LRMDA: variants seen among roughly 807,000 people sequenced by gnomAD.
The protein encoded by LRMDA is leucine-rich melanocyte differentiation-associated protein.
Under a neutral mutation model 29.8 loss-of-function variants are expected in LRMDA, and 18 were observed. The ratio of observed to expected loss-of-function variants is 0.60; its 90% CI spans 0.42 to 0.90. The LOEUF (loss-of-function observed/expected upper bound fraction) is 0.90, where lower values mean the gene tolerates loss of function less well. Ranked by LOEUF, LRMDA falls within the 40% of genes least tolerant of loss-of-function variation. LRMDA has a pLI of 0.00. For missense variants in LRMDA, 273 were observed against 273.9 expected (o/e 1.00, Z 0.02); for synonymous variants, 125 against 109.4 (o/e 1.14, Z -0.89).
At chr10:75,767,512 A>G (rs951188289) in intron 2 of LRMDA, among the ~76,000 whole-genome samples, 2 of 151,632 alleles carry the variant, frequency 1.3e-5, no homozygotes, top group Non-Finnish European at 2.9e-5. Context: ...AACCTTTCTG[A>G]TTTTTTTCCC....
At chr10:75,559,963 G>C (rs2132061081) in intron 2 of LRMDA, among the ~76,000 whole-genome samples, 1 of 147,130 alleles carries the variant, frequency 6.8e-6, no homozygotes, top group East Asian at 2.0e-4. Context: ...AAGTCAGGTA[G>C]CATGATGCCT....
rs182733112 is a variant in LRMDA at position 75,650,447 on chromosome 10, T to A, written c.131+211953T>A. On this transcript the variant is annotated intron_variant, in intron 2 of 6. Transcript: ENST00000611255. ...ATTTCTAGGTTCTCTATTCTTTTAA[T>A]AACAAAATTATTTTTTGTCTCCCCC... Among the ~76,000 whole-genome samples the A allele has an allele frequency of 7.6e-4, 116 of 151,808 alleles. 3 individuals carry two copies. Among genetic ancestry groups the A allele is most frequent in the Admixed American group, 6.1e-3 (93 of 15,302 alleles).
intron 5 of LRMDA, among the ~76,000 whole-genome samples, chr10:76,296,372 C>G (rs1207325483): frequency 2.6e-5 from 4 of 152,188 alleles, no homozygotes; most frequent in Non-Finnish European, 5.9e-5. Context: ...CAGGCTTATT[C>G]ACGAGGTGGA....
chr10:76,256,963 T>G (rs1271159774), intron 5 of LRMDA, among the ~76,000 whole-genome samples: 1 of 152,176 alleles, frequency 6.6e-6, no homozygotes, highest in African/African-American at 2.4e-5. Flanking sequence ...GAAAAATGAT[T>G]GAGAGATAAA....
chr10:75,634,907 A>G (rs1841372520), intron 2 of LRMDA, among the ~76,000 whole-genome samples: 1 of 152,198 alleles, frequency 6.6e-6, no homozygotes, highest in Non-Finnish European at 1.5e-5. Context: ...GAAAACTATA[A>G]AACATTACTG....
At chr10:76,143,119 C>A (rs1005237923) in intron 5 of LRMDA, among the ~76,000 whole-genome samples, 1 of 152,180 alleles carries the variant, frequency 6.6e-6, no homozygotes, top group Non-Finnish European at 1.5e-5. Context: ...GGTTCCAAGT[C>A]TTTGCTATTG....
chr10:76,419,435 T>TTA (rs1842051406), intron 6 of LRMDA, among the ~76,000 whole-genome samples: 1 of 152,132 alleles, frequency 6.6e-6, no homozygotes, highest in Non-Finnish European at 1.5e-5. Context: ...TTCCTTTTAG[T>TTA]GCTGAATAAC....
intron 6 of LRMDA, among the ~76,000 whole-genome samples, chr10:76,443,212 G>A (rs1842321469): frequency 6.6e-6 from 1 of 152,106 alleles, no homozygotes; most frequent in Admixed American, 6.5e-5. Flanking sequence ...AGTTTCAAAT[G>A]CAAAACCCAA....
chr10:76,060,494 A>C (rs1329001608), intron 5 of LRMDA, among the ~76,000 whole-genome samples: 3 of 152,122 alleles, frequency 2.0e-5, no homozygotes, highest in African/African-American at 4.8e-5. Context: ...AGGGCTGGAG[A>C]AGTTAACTGG....
At position 76,290,251 on chromosome 10, in the gene LRMDA, C is replaced by T. The variant is rs946397108; in HGVS notation, c.517-34150C>T. Among the ~76,000 whole-genome samples, 8 of 152,024 alleles carry T rather than the reference C, an allele frequency of 5.3e-5. 1 individual carries two copies. In the East Asian group the frequency reaches 1.5e-3, roughly 29 times the overall value. On this transcript the variant is annotated intron_variant, in intron 5 of 6. Transcript: ENST00000611255. ...TAAAGAGTTATGTAAGGTACATTAGCCCTTAAACATATTTCCCAAAATGCT... is the reference window on the plus strand; with the variant it reads ...TAAAGAGTTATGTAAGGTACATTAGTCCTTAAACATATTTCCCAAAATGCT...
intron 2 of LRMDA, among the ~76,000 whole-genome samples, chr10:75,987,318 A>G (rs1003722727): frequency 1.3e-5 from 2 of 152,194 alleles, no homozygotes. Context: ...CTTGGCACTA[A>G]TGATATTTTG....
chr10:75,482,476 A>G (rs1844865229), intron 2 of LRMDA, among the ~76,000 whole-genome samples: 1 of 152,228 alleles, frequency 6.6e-6, no homozygotes, highest in Non-Finnish European at 1.5e-5. Flanking sequence ...TTCAATAGCC[A>G]CTATAGTTGC....
chr10:75,665,025 A>G (rs1227226886), intron 2 of LRMDA, among the ~76,000 whole-genome samples: 3 of 152,182 alleles, frequency 2.0e-5, no homozygotes, highest in Non-Finnish European at 4.4e-5. Flanking sequence ...GGCCCATCCA[A>G]CTACTACTTA....
chr10:76,402,593 A>G (rs1841860619), intron 6 of LRMDA, among the ~76,000 whole-genome samples: 1 of 152,074 alleles, frequency 6.6e-6, no homozygotes, highest in Non-Finnish European at 1.5e-5. Flanking sequence ...GCCCCAGGCA[A>G]TCCTCCCGCC....
At chr10:76,055,557 G>A (rs930539576) in intron 4 of LRMDA, among the ~76,000 whole-genome samples, 8 of 152,196 alleles carry the variant, frequency 5.3e-5, no homozygotes, top group African/African-American at 1.9e-4. Context: ...TACTCGGCCT[G>A]GTGGGCTGCA....
intron 2 of LRMDA, among the ~76,000 whole-genome samples, chr10:75,946,096 C>A (rs578120728): frequency 9.2e-5 from 14 of 152,332 alleles, no homozygotes; most frequent in African/African-American, 3.1e-4. Context: ...AGTGGGAAAG[C>A]AGTAAGACCA....
chr10:75,967,794 G>A (rs1564618955), intron 2 of LRMDA, among the ~76,000 whole-genome samples: 1 of 152,072 alleles, frequency 6.6e-6, no homozygotes, highest in Admixed American at 6.5e-5. Context: ...AGGAGCTGAG[G>A]AGGGGAAGAA....
chr10:76,032,818 T>C (rs1208742928), intron 2 of LRMDA, among the ~76,000 whole-genome samples: 1 of 152,122 alleles, frequency 6.6e-6, no homozygotes, highest in Non-Finnish European at 1.5e-5. Flanking sequence ...CCCCAGCCCA[T>C]ACCTCAGACA....
chr10:76,473,436 C>T (rs1005491771), intron 6 of LRMDA, among the ~76,000 whole-genome samples: 3 of 151,324 alleles, frequency 2.0e-5, no homozygotes, highest in African/African-American at 7.3e-5. Context: ...TGAATGTTTT[C>T]CCCCCTATGA....
Sources: gnomAD v4.1 joint callset for allele counts (sites outside exome capture counted in the v4.1 genomes callset) on GRCh38, gnomAD v4.1.1 for gene constraint, MANE v1.5 for transcripts, NCBI Gene and HGNC (gene_info 2026-07-23, HGNC 2026-07-21) for gene names.